The following FRMPD1 variants were observed in gnomAD, a reference collection of about 807,000 sequenced individuals.
FRMPD1 encodes the protein FERM and PDZ domain-containing protein 1.
FRMPD1 carries 76 observed loss-of-function variants against 117.8 expected under a neutral mutation model. The observed-to-expected ratio is 0.65, with a 90% CI of 0.54 to 0.78. The LOEUF (loss-of-function observed/expected upper bound fraction) is 0.78. Ranked by LOEUF, FRMPD1 falls within the 30% of genes least tolerant of loss-of-function variation. FRMPD1 has a pLI of 0.00. For synonymous variants in FRMPD1, 783 were observed against 770.4 expected (o/e 1.02, Z -0.27); for missense variants, 1,786 against 1,964.5 (o/e 0.91, Z 1.72).
intron 1 of FRMPD1, among the ~76,000 whole-genome samples, chr9:37,685,538 G>A (rs930740431): frequency 6.6e-6 from 1 of 151,984 alleles, no homozygotes; most frequent in Non-Finnish European, 1.5e-5. Flanking sequence ...TGTAGTCCCA[G>A]CTACTCGGGA....
At chr9:37,674,519 G>C (rs1254570561) in intron 1 of FRMPD1, among the ~76,000 whole-genome samples, 1 of 152,028 alleles carries the variant, frequency 6.6e-6, no homozygotes, top group Non-Finnish European at 1.5e-5. Context: ...CACATTTTGG[G>C]GTATCTTTTC....
chr9:37,724,122 C>T (rs940240944), intron 6 of FRMPD1, 103 bp from the exon 7 acceptor site: 26 of 568,582 alleles, frequency 4.6e-5, no homozygotes, highest in Admixed American at 1.6e-4. Flanking sequence ...TTGAGTGAGC[C>T]GAGATCGTAC....
At chr9:37,742,696 T>G (rs1824480825) in intron 15 of FRMPD1, among the ~76,000 whole-genome samples, 1 of 152,126 alleles carries the variant, frequency 6.6e-6, no homozygotes, top group African/African-American at 2.4e-5. Flanking sequence ...GTTGGGAGTT[T>G]GAGACTAGCC....
chr9:37,705,968 T>TA (rs1160540869), intron 2 of FRMPD1, among the ~76,000 whole-genome samples: 4 of 105,340 alleles, frequency 3.8e-5, no homozygotes, highest in African/African-American at 1.3e-4. Context: ...TCAAAATAAA[T>TA]AAATAAATAA....
At chr9:37,715,778 C>T (rs1447937798) in intron 5 of FRMPD1, 1 of 446,452 alleles carries the variant, frequency 2.2e-6, no homozygotes, top group African/African-American at 2.0e-5. Flanking sequence ...ACAGTGGGGC[C>T]TGTGTGTTGG....
chr9:37,650,494 C>T (rs1012657448), upstream of FRMPD1, among the ~76,000 whole-genome samples: 18 of 151,836 alleles, frequency 1.2e-4, no homozygotes, highest in Admixed American at 1.0e-3. Flanking sequence ...TCCCTTCAGC[C>T]GAACACCTGC....
chr9:37,608,617 A>G, the FRMPD1 span, among the ~76,000 whole-genome samples: 2 of 152,046 alleles, frequency 1.3e-5, no homozygotes, highest in Non-Finnish European at 2.9e-5. Context: ...AGCTGGAACT[A>G]TAGGCACTTG....
At chr9:37,605,878 T>A in the FRMPD1 span, among the ~76,000 whole-genome samples, 1 of 151,962 alleles carries the variant, frequency 6.6e-6, no homozygotes, top group East Asian at 1.9e-4. Flanking sequence ...GGGTAGTTTT[T>A]AAATTTTATG....
In FRMPD1 at chr9:37,655,063, C is replaced by G. The variant is rs535845574; in HGVS notation, c.-5+3969C>G. Among the ~76,000 whole-genome samples, 15 of 152,298 alleles carry G rather than the reference C, an allele frequency of 9.8e-5. No homozygotes were observed. The South Asian group carries it at 1.0e-3, about 11-fold the overall frequency. On this transcript the variant is annotated intron_variant, in intron 1 of 15. Transcript: ENST00000377765. ...AGCTGAGCCCCTGGTGCCACCAGCC[C>G]TGGTACCAAAATACTGGCTGTGCCC... is the stretch of plus-strand genomic sequence containing the variant.
upstream of FRMPD1, among the ~76,000 whole-genome samples, chr9:37,646,659 GTTTTT>G (rs1238868974): frequency 6.6e-6 from 1 of 152,110 alleles, no homozygotes; most frequent in Admixed American, 6.5e-5. Flanking sequence ...CAGGGTCGAG[GTTTTT>G]TTAACCATAA....
rs117901540 is a variant in FRMPD1, at chr9:37,686,324, A to G, written c.-4-6314A>G. On this transcript the variant is annotated intron_variant, in intron 1 of 15. Coordinates refer to ENST00000377765, the MANE Select transcript of FRMPD1 (RefSeq NM_014907.3). ...AGGACTCAAGCTGCAGACGAGTGGA[A>G]TTCAGCTTTATGTAAAGAAACTTTC... Among the ~76,000 whole-genome samples the G allele has an allele frequency of 4.1e-4, 63 of 152,342 alleles. No homozygotes were observed. In the East Asian group the frequency reaches 0.011, roughly 27 times the overall value.
chr9:37,619,871 A>T, the FRMPD1 span, among the ~76,000 whole-genome samples: 1 of 151,862 alleles, frequency 6.6e-6, no homozygotes, highest in Non-Finnish European at 1.5e-5. Context: ...CTTACTAGCT[A>T]CATACTGCTT....
chr9:37,718,512 T>G (rs965746052), intron 5 of FRMPD1, among the ~76,000 whole-genome samples: 1 of 152,194 alleles, frequency 6.6e-6, no homozygotes, highest in African/African-American at 2.4e-5. Flanking sequence ...GTGATGACTC[T>G]CTTTACTTCT....
intron 5 of FRMPD1, 65 bp downstream of exon 5, chr9:37,711,460 C>A (rs1195260686): frequency 2.5e-6 from 3 of 1,189,364 alleles, no homozygotes; most frequent in Non-Finnish European, 3.8e-6. Context: ...CCTGTTCCCC[C>A]AGAGGATATC....
chr9:37,738,840 G>A (rs1353054225), intron 14 of FRMPD1, among the ~76,000 whole-genome samples: 1 of 152,114 alleles, frequency 6.6e-6, no homozygotes, highest in African/African-American at 2.4e-5. Flanking sequence ...ACCAGGCACG[G>A]AAAAGGAAGA....
At position 37,735,937 on chromosome 9, in the gene FRMPD1, C is replaced by A. The variant is rs77156361; in HGVS notation, c.1401+203C>A. 5.1e-3 allele frequency among the ~76,000 whole-genome samples: 774 copies of A among 152,030 alleles called. 5 individuals carry two copies. Among genetic ancestry groups the A allele is most frequent in the African/African-American group, 0.018 (739 of 41,450 alleles). On this transcript the variant is annotated intron_variant, in intron 13 of 15. Coordinates refer to ENST00000377765, the MANE Select transcript of FRMPD1 (RefSeq NM_014907.3). ...GAAGAGGTCCTAAAAGGTTTTTTTG[C>A]ACAAACTGAGATGGACCATGTGCTT...
chr9:37,726,302 C>T (rs1823613076), intron 7 of FRMPD1, among the ~76,000 whole-genome samples: 1 of 152,184 alleles, frequency 6.6e-6, no homozygotes, highest in African/African-American at 2.4e-5. Flanking sequence ...AGAAAACCCT[C>T]TTTCTCTAAA....
chr9:37,690,579 C>G (rs1290238075), intron 1 of FRMPD1, among the ~76,000 whole-genome samples: 1 of 152,146 alleles, frequency 6.6e-6, no homozygotes, highest in Admixed American at 6.6e-5. Flanking sequence ...CATTTCAATG[C>G]AAGATGATCT....
At chr9:37,626,055 G>C in the FRMPD1 span, among the ~76,000 whole-genome samples, 1 of 152,046 alleles carries the variant, frequency 6.6e-6, no homozygotes, top group Non-Finnish European at 1.5e-5. Flanking sequence ...GGCTGGGCGC[G>C]GTGGCTCATG....
Sources: allele counts gnomAD v4.1 joint callset (sites outside exome capture counted in the v4.1 genomes callset), GRCh38; gene constraint gnomAD v4.1.1; transcripts MANE v1.5; gene names NCBI Gene and HGNC (gene_info 2026-07-23, HGNC 2026-07-21).